EXOC1: variants seen among roughly 807,000 people sequenced by gnomAD.
EXOC1 encodes exocyst complex component 1, also known as SEC3-like 1.
A neutral mutation model predicts 107.7 loss-of-function variants in EXOC1; 67 were observed. The observed-to-expected ratio is 0.62, with a 90% CI of 0.51 to 0.76. EXOC1 has a LOEUF of 0.76. EXOC1 is among the 30% of genes least tolerant of loss of function. The pLI, the probability that EXOC1 is intolerant of heterozygous loss-of-function variation, is 0.00. For missense variants in EXOC1, 833 were observed against 1,055.7 expected, an observed-to-expected ratio of 0.79 and a Z score of 2.92; for synonymous variants, 348 against 353.5, an observed-to-expected ratio of 0.98 and a Z score of 0.17.
chr4:55,892,577 C>A, intron 13 of EXOC1, 58 bp from the exon 14 acceptor site: 1 of 1,418,368 alleles, frequency 7.1e-7, no homozygotes, highest in South Asian at 1.2e-5. Flanking sequence ...TTTGCTATAT[C>A]AATACTAGTC....
intron 4 of EXOC1, among the ~76,000 whole-genome samples, chr4:55,866,365 A>C (rs545077221): frequency 6.6e-6 from 1 of 152,296 alleles, no homozygotes; most frequent in African/African-American, 2.4e-5. Context: ...TTAAAAAAGA[A>C]TCTTTGACTT....
chr4:55,891,539 G>T, intron 13 of EXOC1, 117 bp downstream of exon 13: 1 of 706,054 alleles, frequency 1.4e-6, no homozygotes, highest in Non-Finnish European at 2.3e-6. Flanking sequence ...ATCATGTAAG[G>T]ATTTTTTTAT....
At chr4:55,892,752 A>G (rs771385600) in intron 14 of EXOC1, 41 bp downstream of exon 14, 2 of 1,602,024 alleles carry the variant, frequency 1.2e-6, no homozygotes, top group Non-Finnish European at 8.6e-7. Flanking sequence ...TGGAAAAAAT[A>G]AACTTTAAAA....
chr4:55,878,170 T>C, intron 9 of EXOC1, 104 bp downstream of exon 9: 1 of 1,294,626 alleles, frequency 7.7e-7, no homozygotes, highest in African/African-American at 1.5e-5. Flanking sequence ...TAGTACATTC[T>C]TAGCAAAGCA....
At chr4:55,877,792 T>G (rs2110348076) in intron 8 of EXOC1, 125 bp from the exon 9 acceptor site, 1 of 1,472,618 alleles carries the variant, frequency 6.8e-7, no homozygotes. Context: ...TGTGTTCTAT[T>G]CTTAATTATT....
chr4:55,872,966 T>G (rs1354820769), intron 8 of EXOC1, among the ~76,000 whole-genome samples: 1 of 152,096 alleles, frequency 6.6e-6, no homozygotes, highest in East Asian at 1.9e-4. Flanking sequence ...TGTCCCATAG[T>G]AGAGACTATT....
chr4:55,898,887 G>C (rs982035111), intron 16 of EXOC1, among the ~76,000 whole-genome samples: 3 of 151,772 alleles, frequency 2.0e-5, no homozygotes, highest in Non-Finnish European at 4.4e-5. Flanking sequence ...ATCTATCTTT[G>C]TATACTTGTC....
chr4:55,868,566 A>G (rs1451550828), intron 5 of EXOC1, 43 bp downstream of exon 5: 1 of 1,561,628 alleles, frequency 6.4e-7, no homozygotes, highest in Admixed American at 1.7e-5. Flanking sequence ...TGTATAGTGG[A>G]TTGAGAAGGC....
intron 14 of EXOC1, 35 bp from the exon 15 acceptor site, chr4:55,893,517 T>C (rs1171195753): frequency 6.3e-7 from 1 of 1,581,652 alleles, no homozygotes; most frequent in African/African-American, 1.3e-5. Context: ...TGAAGCTTGT[T>C]ATAACTTTAT....
chr4:55,883,954 A>G (rs1169043759), intron 10 of EXOC1, 26 bp downstream of exon 10: 42 of 1,488,750 alleles, frequency 2.8e-5, no homozygotes, highest in Non-Finnish European at 3.8e-5. Context: ...TCAGTTCATT[A>G]TCTTCCTATT....
At chr4:55,868,622 T>A (rs1722162223) in intron 5 of EXOC1, 99 bp downstream of exon 5, 1 of 1,027,486 alleles carries the variant, frequency 9.7e-7, no homozygotes, top group Non-Finnish European at 1.4e-6. Flanking sequence ...GCCTTTATAG[T>A]GTGTTATTGC....
chr4:55,891,297 C>G lies in EXOC1; in HGVS notation c.1540-18C>G, dbSNP rs17086121. ...TGGTGCAGTTCTTTCGTTATAGGAT[C>G]ACTTTGGTTTTCTTCAGATCTTTGA... On this transcript the variant is annotated intron_variant, in intron 12 of 18. Coordinates refer to ENST00000381295, the MANE Select transcript of EXOC1 (RefSeq NM_001024924.2). The G allele has an allele frequency of 6.6e-7, 1 of 1,512,552 alleles. No homozygotes were observed. Among genetic ancestry groups the G allele is most frequent in the Admixed American group, 1.7e-5 (1 of 59,616 alleles). The allele number at this position is 1,512,552 out of a possible 1,614,324, so 93.7% of individuals were successfully genotyped here.
intron 9 of EXOC1, among the ~76,000 whole-genome samples, chr4:55,878,586 A>T (rs1304828524): frequency 1.3e-5 from 2 of 152,226 alleles, no homozygotes; most frequent in Non-Finnish European, 2.9e-5. Flanking sequence ...AATTTTAAGC[A>T]TGTGGCAGTA....
At chr4:55,858,522 A>G in intron 2 of EXOC1, 75 bp downstream of exon 2, 1 of 1,442,094 alleles carries the variant, frequency 6.9e-7, no homozygotes, top group Non-Finnish European at 9.2e-7. Context: ...TTTGTTTTGA[A>G]TATCCTCATT....
intron 4 of EXOC1, among the ~76,000 whole-genome samples, 153 bp from the exon 5 acceptor site, chr4:55,868,181 TAA>T (rs1180803877): frequency 1.3e-5 from 2 of 152,198 alleles, no homozygotes; most frequent in African/African-American, 4.8e-5. Context: ...TTTATAAAAA[TAA>T]AGTTTGATTT....
chr4:55,863,365 A>G (rs746460441), intron 3 of EXOC1, among the ~76,000 whole-genome samples: 1 of 152,104 alleles, frequency 6.6e-6, no homozygotes, highest in Non-Finnish European at 1.5e-5. Context: ...TAGGCCAGGA[A>G]CAGGGCTCAT....
chr4:55,894,214 A>G (rs1022721691), intron 15 of EXOC1, among the ~76,000 whole-genome samples: 1 of 151,656 alleles, frequency 6.6e-6, no homozygotes, highest in Non-Finnish European at 1.5e-5. Flanking sequence ...AATTCCAACT[A>G]CTCGGGAGGC....
chr4:55,894,450 T>G (rs1396274907), intron 15 of EXOC1, among the ~76,000 whole-genome samples: 1 of 152,078 alleles, frequency 6.6e-6, no homozygotes, highest in Non-Finnish European at 1.5e-5. Context: ...TTTTAATACA[T>G]TCTAGTAAGA....
At chr4:55,872,030 A>G in intron 8 of EXOC1, 72 bp downstream of exon 8, 2 of 1,333,288 alleles carry the variant, frequency 1.5e-6, no homozygotes, top group Non-Finnish European at 2.1e-6. Context: ...CATTTCCACA[A>G]AAATGTTAAT....
Sources: gnomAD v4.1 joint callset for allele counts (sites outside exome capture counted in the v4.1 genomes callset) on GRCh38, gnomAD v4.1.1 for gene constraint, MANE v1.5 for transcripts, NCBI Gene and HGNC (gene_info 2026-07-23, HGNC 2026-07-21) for gene names.